Variants in YIPF7 observed in about 807,000 individuals in gnomAD.
YIPF7 encodes the protein protein YIPF7.
YIPF7 carries 35 observed loss-of-function variants against 27.2 expected under a neutral mutation model. That is an observed-to-expected ratio of 1.29 (90% CI 0.98 to 1.70). YIPF7 has a LOEUF of 1.70. Ranked by LOEUF, YIPF7 falls within the 40% of genes most tolerant of loss-of-function variation. The pLI is 0.00. For missense variants in YIPF7, 358 were observed against 303.7 expected (o/e 1.18, Z -1.33); for synonymous variants, 137 against 110.4 (o/e 1.24, Z -1.51).
intron 4 of YIPF7, among the ~76,000 whole-genome samples, chr4:44,627,607 TA>T (rs754444296): frequency 6.6e-6 from 1 of 152,182 alleles, no homozygotes; most frequent in Non-Finnish European, 1.5e-5. Context: ...CTTTTTGCTT[TA>T]TATCAGAATC....
intron 2 of YIPF7, among the ~76,000 whole-genome samples, chr4:44,641,091 C>T (rs887876760): frequency 6.6e-6 from 1 of 152,070 alleles, no homozygotes; most frequent in African/African-American, 2.4e-5. Flanking sequence ...AATTCCCCAG[C>T]AGGAAAGTGG....
intron 2 of YIPF7, among the ~76,000 whole-genome samples, chr4:44,657,720 G>A (rs1250616611): frequency 6.6e-6 from 1 of 152,140 alleles, no homozygotes; most frequent in African/African-American, 2.4e-5. Context: ...AGAGATTCAG[G>A]CTTTGTAATA....
At position 44,624,781 on chromosome 4, in the gene YIPF7, G is replaced by A. The variant is rs754765822; in HGVS notation, c.428C>T (p.Ala143Val). Residue 143 changes from alanine to valine, a missense_variant and splice_region_variant, in exon 5 of 6, where the codon GCA becomes GTA. Transcript: ENST00000415895. ...CVALGATLLL[A>V]GKVQFGYVYG... ...CACATAACCAAACTGAACTTTTCCT[G>A]CCTGAAACGACGTGAAGAAAAAACA... 2 of 1,605,340 alleles carry A rather than the reference G, an allele frequency of 1.2e-6. No homozygotes were observed. The highest frequency in any genetic ancestry group is 2.2e-5 in the East Asian group (1 of 44,680).
intron 2 of YIPF7, among the ~76,000 whole-genome samples, chr4:44,642,689 TGTTCTCATGATAGA>T (rs1243737637): frequency 2.6e-5 from 4 of 152,138 alleles, no homozygotes; most frequent in Non-Finnish European, 5.9e-5. Flanking sequence ...CCCCTAGGGC[TGTTCTCATGATAGA>T]GTTCTCATGA....
chr4:44,626,514 G>C (rs1014147912), intron 4 of YIPF7, among the ~76,000 whole-genome samples: 6 of 152,154 alleles, frequency 3.9e-5, no homozygotes, highest in Non-Finnish European at 7.3e-5. Context: ...GGCAAATAGG[G>C]AGTAGATGAA....
intron 2 of YIPF7, 129 bp downstream of exon 2, chr4:44,649,856 G>T: frequency 1.7e-6 from 1 of 597,846 alleles, no homozygotes; most frequent in Non-Finnish European, 2.9e-6. Flanking sequence ...TGTGGGTCTA[G>T]TTTAGAGGGC....
At chr4:44,635,063 G>A (rs1322321384) in intron 3 of YIPF7, among the ~76,000 whole-genome samples, 2 of 152,142 alleles carry the variant, frequency 1.3e-5, no homozygotes, top group Non-Finnish European at 2.9e-5. Context: ...GTGTTCATGT[G>A]AGGCAAACAC....
chr4:44,643,061 CAGA>C (rs1235778947), intron 2 of YIPF7, among the ~76,000 whole-genome samples: 1 of 151,904 alleles, frequency 6.6e-6, no homozygotes, highest in Non-Finnish European at 1.5e-5. Flanking sequence ...GTGGAGGGCT[CAGA>C]AGAAGACAGG....
intron 2 of YIPF7, among the ~76,000 whole-genome samples, chr4:44,657,298 G>T (rs1016660759): frequency 6.6e-6 from 1 of 152,146 alleles, no homozygotes; most frequent in Non-Finnish European, 1.5e-5. Flanking sequence ...CAAACATCGC[G>T]TTTATATGGG....
upstream of YIPF7, among the ~76,000 whole-genome samples, chr4:44,654,789 T>C (rs1713838118): frequency 6.6e-6 from 1 of 151,996 alleles, no homozygotes; most frequent in Non-Finnish European, 1.5e-5. Flanking sequence ...AATATATCTC[T>C]CACTAACCAA....
In YIPF7 at chr4:44,648,343, C is replaced by T. The variant is rs1430344075; in HGVS notation, c.116+1642G>A. Among the ~76,000 whole-genome samples the T allele has an allele frequency of 2.6e-5, 4 of 152,186 alleles. No individual in the cohort carries two copies. The East Asian group carries it at 5.8e-4, about 22-fold the overall frequency. On this transcript the variant is annotated intron_variant, in intron 2 of 5. Coordinates refer to ENST00000415895, the MANE Select transcript of YIPF7 (RefSeq NM_182592.3). ...TGCTCCACTGAGCATTTCCCTTGAG[C>T]ACATGTCAGTGTTCAAAAAGTTTTG...
At position 44,624,735 on chromosome 4, in the gene YIPF7, G is replaced by A; in HGVS notation, c.474C>T (p.Gly158=). 6.2e-7 allele frequency: 1 copy of A among 1,611,858 alleles called. No homozygotes were observed. Among genetic ancestry groups the A allele is most frequent in the African/African-American group, 1.3e-5 (1 of 75,026 alleles). The stretch of plus-strand genomic sequence containing the variant: ...TCAGCAAGGCATGAATCACAAGGCA[G>A]CCAATGGCACTCATGCCATACACAT... ...FGYVYGMSAI[G]CLVIHALLNL... Residue 158 remains glycine (G), a synonymous_variant, in exon 5 of 6, where the codon GGC becomes GGT. Coordinates refer to ENST00000415895, the MANE Select transcript of YIPF7 (RefSeq NM_182592.3).
chr4:44,650,096 G>A lies in YIPF7; in HGVS notation c.5C>T (p.Ser2Leu). 3 of 1,544,494 alleles carry A rather than the reference G, an allele frequency of 1.9e-6. No individual in the cohort carries two copies. The highest frequency in any genetic ancestry group is 1.9e-5 in the Admixed American group (1 of 52,768). ...ATCAGAGTCAAATTGTGCCAAGTTT[G>A]ACATCCTGAAAAATAAGAGTATGTT... is the stretch of plus-strand genomic sequence containing the variant. M[S>L]NLAQFDSDFY... Residue 2 changes from serine to leucine, a missense_variant, in exon 2 of 6, where the codon TCA (serine) becomes TTA (leucine). Coordinates refer to ENST00000415895, the MANE Select transcript of YIPF7 (RefSeq NM_182592.3).
In YIPF7 at chr4:44,622,183, CTTTTGA is replaced by C; in HGVS notation, c.*225_*230del. On this transcript the variant is annotated 3_prime_UTR_variant, in exon 6 of 6. Coordinates refer to ENST00000415895, the MANE Select transcript of YIPF7 (RefSeq NM_182592.3). ...GTTGATCAGTACAGCAACTGTATCC[CTTTTGA>C]TTTTAAGTATTTTGAAATGTTTTAA... 1.9e-6 allele frequency: 1 copy of C among 531,486 alleles called. No homozygotes were observed. The highest frequency in any genetic ancestry group is 3.3e-6 in the Non-Finnish European group (1 of 300,624). The allele number at this position is 531,486 out of a possible 1,614,324, so 32.9% of individuals were successfully genotyped here. A position where few individuals can be genotyped will look rare whatever the true frequency, so the allele number is the denominator to read the frequency against.
At chr4:44,645,516 T>A (rs537794335) in intron 2 of YIPF7, among the ~76,000 whole-genome samples, 13 of 152,300 alleles carry the variant, frequency 8.5e-5, no homozygotes, top group African/African-American at 2.9e-4. Context: ...ACGTTATATA[T>A]TTGTACCTCA....
chr4:44,660,154 T>C (rs16857329), intron 2 of YIPF7, among the ~76,000 whole-genome samples: 65,585 of 127,316 alleles, frequency 0.52, 17,984 homozygotes, highest in Non-Finnish European at 0.62. Context: ...TACAGTGACC[T>C]GCATGTCTAA....
chr4:44,650,031 T>C lies in YIPF7; in HGVS notation c.70A>G (p.Ser24Gly), dbSNP rs756349679. ...CCATAGGCATTAGAGTCATTACCAC[T>C]CTGCTCCTGGTTATCAATAGTAAAA... Reference protein sequence around the residue: ...SNFTIDNQEQSGNDSNAYGNL... With the variant: ...SNFTIDNQEQGGNDSNAYGNL... The change falls in exon 2 of 6, where the codon AGT (serine) becomes GGT (glycine). Residue 24 changes from serine to glycine, a missense_variant. Coordinates refer to ENST00000415895, the MANE Select transcript of YIPF7 (RefSeq NM_182592.3). The C allele has an allele frequency of 6.3e-7, 1 of 1,590,980 alleles. No homozygotes were observed. Among genetic ancestry groups the C allele is most frequent in the South Asian group, 1.1e-5 (1 of 87,340 alleles).
intron 2 of YIPF7, among the ~76,000 whole-genome samples, chr4:44,642,110 G>A (rs1713346256): frequency 6.6e-6 from 1 of 152,100 alleles, no homozygotes; most frequent in Admixed American, 6.6e-5. Flanking sequence ...CTCATGTCAG[G>A]TGCTACTAAT....
chr4:44,655,248 C>T (rs1008695199), upstream of YIPF7, among the ~76,000 whole-genome samples: 9 of 151,992 alleles, frequency 5.9e-5, no homozygotes, highest in Admixed American at 2.0e-4. Context: ...TAGTTGATGT[C>T]TATTAATCTA....
Sources: allele counts gnomAD v4.1 joint callset (sites outside exome capture counted in the v4.1 genomes callset), GRCh38; gene constraint gnomAD v4.1.1; transcripts MANE v1.5; gene names NCBI Gene and HGNC (gene_info 2026-07-23, HGNC 2026-07-21).